The following MTF1 variants were observed in gnomAD, a reference collection of about 807,000 sequenced individuals.
MTF1 encodes metal regulatory transcription factor 1, also known as MRE-binding transcription factor.
In MTF1, 22 loss-of-function variants were observed where a neutral mutation model predicts 70.4. The ratio of observed to expected loss-of-function variants is 0.31; its 90% CI spans 0.22 to 0.45. The LOEUF is 0.45. MTF1 is among the 20% of genes least tolerant of loss of function. The probability of loss-of-function intolerance (pLI) is 1.00; values close to 1 mark genes in which losing one functional copy is unlikely to be tolerated. For synonymous variants in MTF1, 333 were observed against 352.8 expected (o/e 0.94, Z 0.63); for missense variants, 649 against 922.0 (o/e 0.70, Z 3.83).
intron 1 of MTF1, among the ~76,000 whole-genome samples, chr1:37,858,202 C>T (rs1641531719): frequency 6.6e-6 from 1 of 152,108 alleles, no homozygotes; most frequent in South Asian, 2.1e-4. Context: ...AGGGAAACTC[C>T]ATCCATTCAA....
chr1:37,840,554 A>G lies in MTF1; in HGVS notation c.409-396T>C. 1 of 451,182 alleles carries G rather than the reference A, an allele frequency of 2.2e-6. No homozygotes were observed. The highest frequency in any genetic ancestry group is 4.4e-6 in the Non-Finnish European group (1 of 227,226). The allele number at this position is 451,182 out of a possible 1,614,324, so 27.9% of individuals were successfully genotyped here. A position where few individuals can be genotyped will look rare whatever the true frequency, so the allele number is the denominator to read the frequency against. On this transcript the variant is annotated intron_variant, in intron 2 of 10. Transcript: ENST00000373036. The surrounding 1 kb of genome is among the most constrained non-coding windows in gnomAD (Gnocchi z 4.5). ...AACTACAACTTGATTGGAATTACCA[A>G]TATTAAATTGAGTTTAAAACATCTG...
At chr1:37,854,539 C>T (rs1208572859) in intron 2 of MTF1, among the ~76,000 whole-genome samples, 6 of 152,166 alleles carry the variant, frequency 3.9e-5, no homozygotes, top group African/African-American at 1.4e-4. Flanking sequence ...TATGACAATA[C>T]AAAATGTTTC....
At chr1:37,845,076 C>T (rs1641313496) in intron 2 of MTF1, among the ~76,000 whole-genome samples, 1 of 152,204 alleles carries the variant, frequency 6.6e-6, no homozygotes, top group African/African-American at 2.4e-5. Context: ...TCCATGAGAG[C>T]AAGGACTACG....
chr1:37,817,145 A>G (rs1057095152), intron 10 of MTF1, among the ~76,000 whole-genome samples: 1 of 152,300 alleles, frequency 6.6e-6, no homozygotes, highest in East Asian at 1.9e-4. Flanking sequence ...TGATTCAAAA[A>G]TTTTTTTCTG....
intron 7 of MTF1, among the ~76,000 whole-genome samples, chr1:37,824,479 C>T (rs572312323): frequency 2.0e-5 from 3 of 152,322 alleles, no homozygotes; most frequent in Non-Finnish European, 2.9e-5. Flanking sequence ...GGGCAGATCA[C>T]CTGAGGTAAG....
At chr1:37,838,036 A>G (rs1641197184) in intron 4 of MTF1, among the ~76,000 whole-genome samples, 2 of 152,216 alleles carry the variant, frequency 1.3e-5, no homozygotes, top group African/African-American at 4.8e-5. Flanking sequence ...TTAGATATAC[A>G]TATGTTGACA....
rs551685069 is a variant in MTF1 at position 37,815,027 on chromosome 1, C to G, written c.*109G>C. ...AAATACGTCTGAAAGGTGAGGATTT[C>G]AAACAGTAGATTTCTTCATCCTTCA... On this transcript the variant is annotated 3_prime_UTR_variant, in exon 11 of 11. Transcript: ENST00000373036. This position sits in a 1 kb window ranked among gnomAD's most constrained non-coding sequence, Gnocchi z 4.5. 1 of 872,964 alleles carries G rather than the reference C, an allele frequency of 1.1e-6. No homozygotes were observed. The highest frequency in any genetic ancestry group is 1.8e-6 in the Non-Finnish European group (1 of 566,792). 54.1% of individuals were successfully genotyped at this position (872,964 alleles called of 1,614,324 possible).
chr1:37,836,946 C>G (rs12736507), intron 4 of MTF1, among the ~76,000 whole-genome samples: 90,031 of 125,852 alleles, frequency 0.72, 28,778 homozygotes, highest in Non-Finnish European at 0.78. Context: ...GGAAGGGGGG[C>G]GGCGGGGAAT....
intron 2 of MTF1, among the ~76,000 whole-genome samples, chr1:37,856,577 G>A (rs1641500336): frequency 6.8e-6 from 1 of 147,654 alleles, no homozygotes; most frequent in African/African-American, 2.5e-5. Flanking sequence ...TCGGCTCACT[G>A]CAACCTCTGC....
chr1:37,817,884 T>TC (rs1366706460), intron 9 of MTF1, among the ~76,000 whole-genome samples: 1 of 152,136 alleles, frequency 6.6e-6, no homozygotes, highest in Non-Finnish European at 1.5e-5. Flanking sequence ...GTTCTTTTTT[T>TC]CCCCCTCAGA....
chr1:37,853,031 T>C (rs771585605), intron 2 of MTF1, among the ~76,000 whole-genome samples: 16 of 152,204 alleles, frequency 1.1e-4, no homozygotes, highest in Admixed American at 3.3e-4. Context: ...CCTTGATTCT[T>C]CCCATGAACA....
chr1:37,817,240 C>T (rs1421214696), intron 10 of MTF1, among the ~76,000 whole-genome samples, 179 bp downstream of exon 10: 1 of 152,180 alleles, frequency 6.6e-6, no homozygotes, highest in Non-Finnish European at 1.5e-5. Flanking sequence ...CAGACGTATA[C>T]TAACTTCTAA....
intron 2 of MTF1, among the ~76,000 whole-genome samples, chr1:37,851,128 C>G (rs1009069757): frequency 2.0e-5 from 3 of 152,196 alleles, no homozygotes; most frequent in African/African-American, 7.2e-5. Context: ...GAAGGCAAGC[C>G]TCCTGAATGT....
At chr1:37,828,056 CAAG>C (rs1641030730) in intron 7 of MTF1, 1 of 308,810 alleles carries the variant, frequency 3.2e-6, no homozygotes, top group East Asian at 9.9e-5. Context: ...TATTGTTCAA[CAAG>C]AAGAATGAAT....
intron 2 of MTF1, among the ~76,000 whole-genome samples, chr1:37,854,787 C>T (rs948725899): frequency 6.6e-6 from 1 of 152,124 alleles, no homozygotes; most frequent in Admixed American, 6.6e-5. Context: ...GGGCCGGGCG[C>T]GGTGGCTCAT....
intron 6 of MTF1, 69 bp downstream of exon 6, chr1:37,835,010 T>C (rs1420350225): frequency 7.2e-6 from 11 of 1,535,972 alleles, no homozygotes; most frequent in Admixed American, 3.5e-5. Context: ...TTTTAACCTT[T>C]GATTGTGATA....
chr1:37,837,662 C>T (rs954109651), intron 4 of MTF1, among the ~76,000 whole-genome samples: 4 of 152,066 alleles, frequency 2.6e-5, no homozygotes, highest in African/African-American at 9.7e-5. Flanking sequence ...TGTGACACCA[C>T]GCCTGGCTGA....
rs1364849808 is a variant in MTF1 at position 37,840,197 on chromosome 1, G to C, written c.409-39C>G. The C allele has an allele frequency of 1.9e-6, 3 of 1,581,148 alleles. No homozygotes were observed. Among genetic ancestry groups the C allele is most frequent in the Non-Finnish European group, 2.6e-6 (3 of 1,151,462 alleles). ...GATACCTCATCAACAGGACAAAAAT[G>C]CTGCCCAGGGCTTAACTCCCCCACC... On this transcript the variant is annotated intron_variant, in intron 2 of 10. Coordinates refer to ENST00000373036, the MANE Select transcript of MTF1 (RefSeq NM_005955.3). The surrounding 1 kb of genome is among the most constrained non-coding windows in gnomAD (Gnocchi z 4.5).
intron 10 of MTF1, among the ~76,000 whole-genome samples, chr1:37,816,108 G>A (rs567742934): frequency 4.6e-5 from 7 of 152,196 alleles, no homozygotes; most frequent in African/African-American, 1.7e-4. Flanking sequence ...TACAGGACCT[G>A]CTTGGTTCTG....
Sources: allele counts gnomAD v4.1 joint callset (sites outside exome capture counted in the v4.1 genomes callset), GRCh38; gene constraint gnomAD v4.1.1; non-coding constraint Gnocchi (gnomAD v3.1); transcripts MANE v1.5; gene names NCBI Gene and HGNC (gene_info 2026-07-23, HGNC 2026-07-21).